RPTOR: variants seen among roughly 807,000 people sequenced by gnomAD.
The protein encoded by RPTOR is regulatory associated protein of MTOR complex 1.
A neutral mutation model predicts 169.9 loss-of-function variants in RPTOR; 21 were observed. That is an observed-to-expected ratio of 0.12 (90% CI 0.09 to 0.18). The LOEUF is 0.18. Among genes scored for constraint, RPTOR ranks in the 10% least tolerant of loss-of-function variants. The probability of loss-of-function intolerance (pLI) is 1.00; values close to 1 mark genes in which losing one functional copy is unlikely to be tolerated. For synonymous variants in RPTOR, 732 were observed against 753.2 expected (o/e 0.97, Z 0.46); for missense variants, 1,133 against 1,855.9 (o/e 0.61, Z 7.16).
rs1425949210 is a variant in RPTOR at position 80,754,298 on chromosome 17, C to T, written c.830+113C>T. 1.9e-6 allele frequency: 2 copies of T among 1,042,294 alleles called. No homozygotes were observed. Among genetic ancestry groups the T allele is most frequent in the South Asian group, 1.6e-5 (1 of 61,596 alleles). 64.6% of individuals were successfully genotyped at this position (1,042,294 alleles called of 1,614,324 possible). A position where few individuals can be genotyped will look rare whatever the true frequency, so the allele number is the denominator to read the frequency against. On this transcript the variant is annotated intron_variant, in intron 6 of 33. Transcript: ENST00000306801. This position sits in a 1 kb window ranked among gnomAD's most constrained non-coding sequence, Gnocchi z 4.2. ...TGGTCCCAGGAGCCCACGTGACAGACATGAGTGTCCCCGCCTTCTTTTTGT... is the reference window on the plus strand; with the variant it reads ...TGGTCCCAGGAGCCCACGTGACAGATATGAGTGTCCCCGCCTTCTTTTTGT...
intron 12 of RPTOR, 152 bp from the exon 13 acceptor site, chr17:80,857,638 G>A (rs2067868488): frequency 1.7e-6 from 1 of 583,738 alleles, no homozygotes; most frequent in East Asian, 2.8e-5. Context: ...TCTGGAGGAA[G>A]CCCCTCTTTA....
intron 1 of RPTOR, among the ~76,000 whole-genome samples, chr17:80,602,173 C>T (rs1273910760): frequency 1.4e-5 from 1 of 69,224 alleles, no homozygotes; most frequent in Non-Finnish European, 3.3e-5. Flanking sequence ...ACCTCCTGGG[C>T]AGGGCGGCTG....
chr17:80,929,523 G>A (rs545077780), intron 24 of RPTOR, among the ~76,000 whole-genome samples: 71 of 152,344 alleles, frequency 4.7e-4, no homozygotes, highest in Non-Finnish European at 8.8e-4. Context: ...GGCATCACAC[G>A]CAGAACCCAG....
intron 7 of RPTOR, among the ~76,000 whole-genome samples, chr17:80,817,567 G>A (rs937632599): frequency 2.2e-4 from 34 of 152,112 alleles, no homozygotes. Context: ...AGGAGTGGGT[G>A]GCACCTCATG....
rs908383458 is a variant in RPTOR, at chr17:80,878,487, C to T, written c.1510-1928C>T. On this transcript the variant is annotated intron_variant, in intron 13 of 33. Coordinates refer to ENST00000306801, the MANE Select transcript of RPTOR (RefSeq NM_020761.3). This position sits in a 1 kb window ranked among gnomAD's most constrained non-coding sequence, Gnocchi z 4.1. Reference sequence around the variant, plus strand: ...TCAGCCTCCCGAGTAGCTGGGACTACAGGCACGCACCACCACACCCTGCTA... The same window carrying T: ...TCAGCCTCCCGAGTAGCTGGGACTATAGGCACGCACCACCACACCCTGCTA... 3.9e-5 allele frequency among the ~76,000 whole-genome samples: 6 copies of T among 152,126 alleles called. No individual in the cohort carries two copies. The highest frequency in any genetic ancestry group is 1.4e-4 in the African/African-American group (6 of 41,402).
intron 1 of RPTOR, among the ~76,000 whole-genome samples, chr17:80,585,588 C>G (rs4890050): frequency 0.98 from 149,715 of 152,298 alleles, 73,605 homozygotes; most frequent in East Asian, 1. Flanking sequence ...CAGCCCCGGG[C>G]ACACGGTGCA....
Position 80,646,335 on chromosome 17 carries a change from C to T in RPTOR, c.348+2525C>T, listed in dbSNP as rs1001316582. ...ACGGATGTCACAGGATACCTCTGAC[C>T]GGCTCCCAGGTGTGAGCGTGGGGCT... On this transcript the variant is annotated intron_variant, in intron 3 of 33. Transcript: ENST00000306801. This position sits in a 1 kb window ranked among gnomAD's most constrained non-coding sequence, Gnocchi z 5.0. Among the ~76,000 whole-genome samples, 7 of 152,270 alleles carry T rather than the reference C, an allele frequency of 4.6e-5. No individual in the cohort carries two copies. In the East Asian group the frequency reaches 7.7e-4, roughly 17 times the overall value.
At position 80,726,202 on chromosome 17, in the gene RPTOR, T is replaced by G. The variant is rs1323380376; in HGVS notation, c.508-4358T>G. Among the ~76,000 whole-genome samples, 1 of 152,132 alleles carries G rather than the reference T, an allele frequency of 6.6e-6. No individual in the cohort carries two copies. The highest frequency in any genetic ancestry group is 2.4e-5 in the African/African-American group (1 of 41,426). On this transcript the variant is annotated intron_variant, in intron 4 of 33. Coordinates refer to ENST00000306801, the MANE Select transcript of RPTOR (RefSeq NM_020761.3). The surrounding 1 kb of genome is among the most constrained non-coding windows in gnomAD (Gnocchi z 4.5). ...TGTGGCGCAGCATCCCAGTGGCTGT[T>G]ACGGGGTGAAAGCCCCTCTTAGAAT... is the stretch of plus-strand genomic sequence containing the variant.
intron 1 of RPTOR, among the ~76,000 whole-genome samples, chr17:80,552,771 T>C (rs1262547391): frequency 1.3e-5 from 2 of 152,310 alleles, no homozygotes; most frequent in East Asian, 3.9e-4. Flanking sequence ...TGGCTAGCAG[T>C]GAGAGGAAGT....
At chr17:80,809,440 C>A (rs1222460194) in intron 7 of RPTOR, among the ~76,000 whole-genome samples, 3 of 152,230 alleles carry the variant, frequency 2.0e-5, no homozygotes, top group Non-Finnish European at 4.4e-5. Flanking sequence ...GATCCACCCA[C>A]CTCGGCCACC....
intron 1 of RPTOR, among the ~76,000 whole-genome samples, chr17:80,607,029 C>T (rs2065234270): frequency 6.6e-6 from 1 of 152,160 alleles, no homozygotes; most frequent in African/African-American, 2.4e-5. Context: ...TGAAGGCGCC[C>T]ACACATTACT....
In RPTOR at chr17:80,746,592, C is replaced by T. The variant is rs574638306; in HGVS notation, c.655-7418C>T. 9.8e-4 allele frequency among the ~76,000 whole-genome samples: 149 copies of T among 152,238 alleles called. 1 individual carries two copies. Among genetic ancestry groups the T allele is most frequent in the Admixed American group, 9.7e-3 (148 of 15,300 alleles). The stretch of plus-strand genomic sequence containing the variant: ...GAGAGTCTTTCTTGTGTTTGAGTCC[C>T]TAGGCTCCCCGGAGAAACCCCTTTG... On this transcript the variant is annotated intron_variant, in intron 5 of 33. Transcript: ENST00000306801. The surrounding 1 kb of genome is among the most constrained non-coding windows in gnomAD (Gnocchi z 4.5).
rs141804788 is a variant in RPTOR at position 80,664,275 on chromosome 17, T to C, written c.348+20465T>C. Among the ~76,000 whole-genome samples, 6 of 152,336 alleles carry C rather than the reference T, an allele frequency of 3.9e-5. No homozygotes were observed. In the East Asian group the frequency reaches 1.2e-3, roughly 29 times the overall value. ...ATGATTAAAAATACGATTTCTTCTTTAATGCCCAGCACAAATGCATTTAGC... is the reference window on the plus strand; with the variant it reads ...ATGATTAAAAATACGATTTCTTCTTCAATGCCCAGCACAAATGCATTTAGC... On this transcript the variant is annotated intron_variant, in intron 3 of 33. Transcript: ENST00000306801.
intron 1 of RPTOR, among the ~76,000 whole-genome samples, chr17:80,559,689 T>G (rs533887349): frequency 1.3e-5 from 2 of 152,278 alleles, no homozygotes; most frequent in African/African-American, 4.8e-5. Flanking sequence ...GTCCAGCTCC[T>G]CACCATGATA....
chr17:80,586,685 G>A (rs1260109097), intron 1 of RPTOR, among the ~76,000 whole-genome samples: 1 of 152,106 alleles, frequency 6.6e-6, no homozygotes, highest in African/African-American at 2.4e-5. Context: ...GGGCGCTGCA[G>A]CTTCCTGTCC....
intron 1 of RPTOR, among the ~76,000 whole-genome samples, chr17:80,565,679 G>T: frequency 6.6e-6 from 1 of 152,188 alleles, no homozygotes; most frequent in Non-Finnish European, 1.5e-5. Flanking sequence ...CTGGGAGGCG[G>T]AGGGAGGCAT....
chr17:80,892,468 C>T, intron 18 of RPTOR, among the ~76,000 whole-genome samples: 1 of 152,254 alleles, frequency 6.6e-6, no homozygotes, highest in East Asian at 1.9e-4. Context: ...CTCGGACAGG[C>T]CGCAGCCACC....
intron 20 of RPTOR, among the ~76,000 whole-genome samples, chr17:80,900,312 G>A (rs760939154): frequency 5.9e-5 from 9 of 151,890 alleles, no homozygotes; most frequent in Non-Finnish European, 1.0e-4. Context: ...TCCTGGGGCC[G>A]TGTGCTCACT....
intron 7 of RPTOR, among the ~76,000 whole-genome samples, chr17:80,799,637 T>A (rs2067135847): frequency 6.6e-6 from 1 of 152,200 alleles, no homozygotes; most frequent in Admixed American, 6.5e-5. Context: ...GCCTGTGTTC[T>A]CGGGCTTTTT....
Sources: gnomAD v4.1 joint callset for allele counts (sites outside exome capture counted in the v4.1 genomes callset) on GRCh38, gnomAD v4.1.1 for gene constraint, Gnocchi (gnomAD v3.1) non-coding constraint, MANE v1.5 for transcripts, NCBI Gene and HGNC (gene_info 2026-07-23, HGNC 2026-07-21) for gene names.